The following SLC22A15 variants were observed in gnomAD, a reference collection of about 807,000 sequenced individuals.
SLC22A15 encodes the protein flipt 1.
A neutral mutation model predicts 62.7 loss-of-function variants in SLC22A15; 45 were observed. That is an observed-to-expected ratio of 0.72 (90% CI 0.56 to 0.92). The LOEUF (loss-of-function observed/expected upper bound fraction) is 0.92, where lower values mean the gene tolerates loss of function less well. Among genes scored for constraint, SLC22A15 ranks in the 40% least tolerant of loss-of-function variants. The pLI, the probability that SLC22A15 is intolerant of heterozygous loss-of-function variation, is 0.00. For synonymous variants in SLC22A15, 264 were observed against 267.0 expected, an observed-to-expected ratio of 0.99 and a Z score of 0.11; for missense variants, 622 against 665.6, an observed-to-expected ratio of 0.93 and a Z score of 0.72.
chr1:116,060,385 T>C (rs1658350028), intron 8 of SLC22A15, among the ~76,000 whole-genome samples: 1 of 152,200 alleles, frequency 6.6e-6, no homozygotes, highest in Admixed American at 6.5e-5. Flanking sequence ...GCTTCCCAAA[T>C]GGGCTACAGC....
At chr1:116,036,048 G>GT (rs1221917825) in intron 7 of SLC22A15, among the ~76,000 whole-genome samples, 1 of 152,116 alleles carries the variant, frequency 6.6e-6, no homozygotes, top group African/African-American at 2.4e-5. Flanking sequence ...TTGTCATGAG[G>GT]TTTTAGTCTA....
intron 2 of SLC22A15, among the ~76,000 whole-genome samples, chr1:116,010,226 A>G (rs1184238074): frequency 6.6e-6 from 1 of 152,250 alleles, no homozygotes; most frequent in African/African-American, 2.4e-5. Flanking sequence ...ATCATGCTTA[A>G]TTAATGTTTG....
chr1:116,032,327 GT>G (rs1181114055), intron 6 of SLC22A15: 3 of 985,270 alleles, frequency 3.0e-6, no homozygotes, highest in Non-Finnish European at 3.6e-6. Context: ...TTGCACATGT[GT>G]TTTGATATTG....
At chr1:116,000,625 C>CTTTTTTTTTTTTTTTTTTTT (rs56303802) in intron 2 of SLC22A15, among the ~76,000 whole-genome samples, 3 of 88,214 alleles carry the variant, frequency 3.4e-5, no homozygotes, top group African/African-American at 4.2e-5. Flanking sequence ...CTTTTTTTTC[C>CTTTTTTTTTTTTTTTTTTTT]TTTTTTTTTT....
At chr1:116,027,707 C>T (rs10923958) in intron 5 of SLC22A15, among the ~76,000 whole-genome samples, 14,092 of 151,686 alleles carry the variant, frequency 0.093, 785 homozygotes, top group African/African-American at 0.15. Flanking sequence ...CTCACCGCAA[C>T]CTCTGCCTCC....
At chr1:115,998,556 G>T (rs571102008) in intron 2 of SLC22A15, among the ~76,000 whole-genome samples, 2 of 152,064 alleles carry the variant, frequency 1.3e-5, no homozygotes, top group South Asian at 4.2e-4. Context: ...TTTCTTCTAG[G>T]TTTTCCAACT....
intron 9 of SLC22A15, among the ~76,000 whole-genome samples, chr1:116,063,406 C>T (rs1658427218): frequency 1.3e-5 from 2 of 152,108 alleles, no homozygotes; most frequent in African/African-American, 4.8e-5. Flanking sequence ...CTAAATTTCC[C>T]TTCATAAAAT....
At chr1:116,006,040 T>C (rs1264430853) in intron 2 of SLC22A15, among the ~76,000 whole-genome samples, 1 of 152,212 alleles carries the variant, frequency 6.6e-6, no homozygotes, top group Non-Finnish European at 1.5e-5. Flanking sequence ...TGACCACCAC[T>C]GGACAATGCA....
At position 116,054,231 on chromosome 1, in the gene SLC22A15, C is replaced by CA. The variant is rs1236417603; in HGVS notation, c.1172-8524dup. On this transcript the variant is annotated intron_variant, in intron 8 of 11. Coordinates refer to ENST00000369503, the MANE Select transcript of SLC22A15 (RefSeq NM_018420.3). The stretch of plus-strand genomic sequence containing the variant: ...GAAGATCTACCAAGCAAATGGAAAA[C>CA]AAAAAAAGGCATGGGTTGCAATCCT... 1.5e-4 allele frequency among the ~76,000 whole-genome samples: 22 copies of CA among 151,192 alleles called. 1 individual carries two copies. The highest frequency in any genetic ancestry group is 3.0e-4 in the Non-Finnish European group (20 of 67,748).
chr1:116,010,043 T>A (rs1656175172), intron 2 of SLC22A15, among the ~76,000 whole-genome samples: 1 of 151,748 alleles, frequency 6.6e-6, no homozygotes, highest in African/African-American at 2.4e-5. Context: ...TAGGTGGATG[T>A]GATTAACTTG....
chr1:116,008,909 A>G (rs1049661836), intron 2 of SLC22A15, among the ~76,000 whole-genome samples: 5 of 152,150 alleles, frequency 3.3e-5, no homozygotes, highest in Non-Finnish European at 5.9e-5. Context: ...GACCTGGGGC[A>G]TGTGTGTCAG....
At chr1:115,979,982 ATATATT>A (rs1286262424) in intron 1 of SLC22A15, among the ~76,000 whole-genome samples, 3 of 150,274 alleles carry the variant, frequency 2.0e-5, no homozygotes. Flanking sequence ...ATTTTTATAT[ATATATT>A]AAGTATATAT....
chr1:115,980,008 AT>A (rs1385327152), intron 1 of SLC22A15, among the ~76,000 whole-genome samples: 3 of 150,694 alleles, frequency 2.0e-5, no homozygotes, highest in Non-Finnish European at 4.4e-5. Flanking sequence ...TATATACTTA[AT>A]AACCTTATTT....
At chr1:115,993,826 C>G (rs1484038613) in intron 2 of SLC22A15, among the ~76,000 whole-genome samples, 1 of 152,178 alleles carries the variant, frequency 6.6e-6, no homozygotes, top group Non-Finnish European at 1.5e-5. Context: ...TCCAGCCCCA[C>G]TCTGCACTTT....
chr1:116,062,124 G>T (rs1237708499), intron 8 of SLC22A15, among the ~76,000 whole-genome samples: 1 of 152,162 alleles, frequency 6.6e-6, no homozygotes, highest in Non-Finnish European at 1.5e-5. Flanking sequence ...CAGGAGAATC[G>T]CTTGAGCCCA....
Position 116,062,886 on chromosome 1 carries a change from C to G in SLC22A15, c.1292+4C>G, listed in dbSNP as rs75385709. ...AGCTTTACCCTACAGTCATCAGGTA[C>G]GTGTCTCACACAGCCTCATTCTTCA... is the stretch of plus-strand genomic sequence containing the variant. On this transcript the variant is annotated splice_donor_region_variant and intron_variant, in intron 9 of 11. Transcript: ENST00000369503. The G allele has an allele frequency of 1.9e-6, 3 of 1,612,888 alleles. No homozygotes were observed. Among genetic ancestry groups the G allele is most frequent in the Non-Finnish European group, 2.5e-6 (3 of 1,179,266 alleles).
chr1:116,044,660 A>G (rs2101507804), intron 8 of SLC22A15, among the ~76,000 whole-genome samples: 1 of 152,368 alleles, frequency 6.6e-6, no homozygotes, highest in Admixed American at 6.5e-5. Flanking sequence ...TATACAAAAA[A>G]GAAATCTGTA....
intron 8 of SLC22A15, 97 bp from the exon 9 acceptor site, chr1:116,062,665 C>A: frequency 7.0e-7 from 1 of 1,430,594 alleles, no homozygotes; most frequent in Non-Finnish European, 9.7e-7. Flanking sequence ...TCTTTGAGAT[C>A]AACATGAATG....
chr1:116,063,789 G>A (rs1296965512), intron 9 of SLC22A15, among the ~76,000 whole-genome samples: 1 of 152,116 alleles, frequency 6.6e-6, no homozygotes, highest in Non-Finnish European at 1.5e-5. Context: ...GGATTACAGA[G>A]TGCTGTATCC....
Sources: allele counts gnomAD v4.1 joint callset (sites outside exome capture counted in the v4.1 genomes callset), GRCh38; gene constraint gnomAD v4.1.1; transcripts MANE v1.5; gene names NCBI Gene and HGNC (gene_info 2026-07-23, HGNC 2026-07-21).